Variants in NRG3 observed in about 807,000 individuals in gnomAD.
NRG3 encodes pro-neuregulin-3, membrane-bound isoform.
In NRG3, 31 loss-of-function variants were observed where a neutral mutation model predicts 66.9. The observed-to-expected ratio is 0.46, with a 90% CI of 0.35 to 0.63. The LOEUF (loss-of-function observed/expected upper bound fraction) is 0.63, where lower values mean the gene tolerates loss of function less well. Among genes scored for constraint, NRG3 ranks in the 20% least tolerant of loss-of-function variants. NRG3 has a pLI of 0.00. For synonymous variants in NRG3, 393 were observed against 359.4 expected, an observed-to-expected ratio of 1.09 and a Z score of -1.06; for missense variants, 910 against 878.9, an observed-to-expected ratio of 1.04 and a Z score of -0.45.
intron 4 of NRG3, among the ~76,000 whole-genome samples, chr10:82,881,376 T>C (rs1265718162): frequency 6.6e-6 from 1 of 152,220 alleles, no homozygotes; most frequent in Non-Finnish European, 1.5e-5. Flanking sequence ...AATGAAGTAA[T>C]AACAGCTGTG....
intron 2 of NRG3, among the ~76,000 whole-genome samples, chr10:82,675,620 C>G (rs1565191566): frequency 6.6e-6 from 1 of 152,108 alleles, no homozygotes; most frequent in East Asian, 1.9e-4. Context: ...CTGGTGGTCT[C>G]TCATTAGCTT....
chr10:82,246,675 GA>G (rs548868827), intron 1 of NRG3, among the ~76,000 whole-genome samples: 1 of 151,786 alleles, frequency 6.6e-6, no homozygotes, highest in African/African-American at 2.4e-5. Flanking sequence ...ACACAGAGCA[GA>G]AAAAAAAGAA....
intron 1 of NRG3, among the ~76,000 whole-genome samples, chr10:82,093,233 G>A (rs1173096222): frequency 6.6e-6 from 1 of 152,184 alleles, no homozygotes; most frequent in Non-Finnish European, 1.5e-5. Context: ...CTGATACAAT[G>A]TGTTCCTCAT....
intron 7 of NRG3, among the ~76,000 whole-genome samples, chr10:82,976,247 G>A (rs1002670435): frequency 6.6e-5 from 10 of 152,058 alleles, no homozygotes; most frequent in African/African-American, 2.4e-4. Context: ...GTAGAGACGG[G>A]GTTTCACCAT....
chr10:82,455,684 G>A (rs1279042577), intron 2 of NRG3, among the ~76,000 whole-genome samples: 4 of 149,834 alleles, frequency 2.7e-5, no homozygotes, highest in South Asian at 4.2e-4. Context: ...GCGCGATCTC[G>A]GCTCACTGCA....
At chr10:81,896,360 C>T (rs1190587999) in intron 1 of NRG3, among the ~76,000 whole-genome samples, 4 of 152,222 alleles carry the variant, frequency 2.6e-5, no homozygotes, top group East Asian at 1.9e-4. Flanking sequence ...CTCACTTTCT[C>T]GCCATCCTAT....
At chr10:82,068,927 G>A (rs1299453337) in intron 1 of NRG3, among the ~76,000 whole-genome samples, 1 of 152,140 alleles carries the variant, frequency 6.6e-6, no homozygotes, top group Non-Finnish European at 1.5e-5. Flanking sequence ...AGTCACAGTG[G>A]AATCTTGCAA....
intron 3 of NRG3, among the ~76,000 whole-genome samples, chr10:82,816,868 T>C (rs963416576): frequency 6.6e-6 from 1 of 152,206 alleles, no homozygotes. Context: ...GGACATTAGA[T>C]ACACGTAATA....
intron 3 of NRG3, among the ~76,000 whole-genome samples, chr10:82,822,365 G>A (rs888874264): frequency 6.6e-6 from 1 of 152,084 alleles, no homozygotes; most frequent in Non-Finnish European, 1.5e-5. Context: ...AGAAGGGAAA[G>A]CCTCCTGAGC....
chr10:81,889,663 C>T lies in NRG3; in HGVS notation c.823+13500C>T, dbSNP rs938948302. 1.3e-5 allele frequency: 2 copies of T among 152,146 alleles called. 1 individual carries two copies. Among genetic ancestry groups the T allele is most frequent in the Admixed American group, 1.3e-4 (2 of 15,276 alleles). The allele number at this position is 152,146 out of a possible 1,614,324, so 9.4% of individuals were successfully genotyped here. ...CATCTCTCTTCTATTTTTCACTGAT[C>T]AGGTAATTTTCACTGATGTCAACAT... On this transcript the variant is annotated intron_variant, in intron 1 of 8. Transcript: ENST00000372141.
At chr10:82,189,052 C>T (rs2073980184) in intron 1 of NRG3, among the ~76,000 whole-genome samples, 1 of 152,046 alleles carries the variant, frequency 6.6e-6, no homozygotes, top group Non-Finnish European at 1.5e-5. Flanking sequence ...TGGATATTCA[C>T]ATAATGAAAT....
chr10:82,174,065 G>A (rs564126863), intron 1 of NRG3, among the ~76,000 whole-genome samples: 4 of 152,148 alleles, frequency 2.6e-5, no homozygotes, highest in Middle Eastern at 3.4e-3. Context: ...CCTGGAGTCC[G>A]TCTAGCCCTC....
chr10:82,118,017 C>T (rs2067833048), intron 1 of NRG3, among the ~76,000 whole-genome samples: 1 of 151,966 alleles, frequency 6.6e-6, no homozygotes, highest in Non-Finnish European at 1.5e-5. Flanking sequence ...GGAAGAGGGC[C>T]GGTAGCACCA....
chr10:82,557,688 G>C (rs1162833760), intron 2 of NRG3, among the ~76,000 whole-genome samples: 1 of 152,082 alleles, frequency 6.6e-6, no homozygotes, highest in Non-Finnish European at 1.5e-5. Context: ...CACTGGTATG[G>C]GTGCTGGGAC....
chr10:82,908,589 A>C (rs1844986110), intron 4 of NRG3, among the ~76,000 whole-genome samples: 1 of 152,198 alleles, frequency 6.6e-6, no homozygotes, highest in Non-Finnish European at 1.5e-5. Context: ...TGCTAAAATG[A>C]GAACACCCAC....
chr10:82,325,781 A>G lies in NRG3; in HGVS notation c.824-32958A>G, dbSNP rs186192493. ...TTCATGTGTATTATAAGAACTCTGC[A>G]TAGTACACTTCACTTCTCTCTCCCC... On this transcript the variant is annotated intron_variant, in intron 1 of 8. Coordinates refer to ENST00000372141, the MANE Select transcript of NRG3 (RefSeq NM_001010848.4). 6.8e-3 allele frequency among the ~76,000 whole-genome samples: 1,041 copies of G among 152,304 alleles called. 18 individuals are homozygous for G. Among genetic ancestry groups the G allele is most frequent in the African/African-American group, 0.024 (1,009 of 41,552 alleles).
chr10:82,740,601 G>A (rs1205497075), intron 3 of NRG3, among the ~76,000 whole-genome samples: 1 of 152,034 alleles, frequency 6.6e-6, no homozygotes, highest in Non-Finnish European at 1.5e-5. Flanking sequence ...GGGAGGCAGA[G>A]ATGCTTGAGG....
intron 2 of NRG3, among the ~76,000 whole-genome samples, chr10:82,563,488 A>AT (rs1398044444): frequency 6.6e-6 from 1 of 151,796 alleles, no homozygotes; most frequent in African/African-American, 2.4e-5. Flanking sequence ...GTTCCCTGAG[A>AT]TTTTTTCTAA....
chr10:82,115,392 G>A (rs2067645951), intron 1 of NRG3, among the ~76,000 whole-genome samples: 1 of 152,270 alleles, frequency 6.6e-6, no homozygotes, highest in African/African-American at 2.4e-5. Context: ...CACCATGCCT[G>A]ATTGAAACTT....
Sources: allele counts gnomAD v4.1 joint callset (sites outside exome capture counted in the v4.1 genomes callset), GRCh38; gene constraint gnomAD v4.1.1; transcripts MANE v1.5; gene names NCBI Gene and HGNC (gene_info 2026-07-23, HGNC 2026-07-21).